The following ALCAM variants were observed in gnomAD, a reference collection of about 807,000 sequenced individuals.
ALCAM encodes CD166 antigen.
In ALCAM, 30 loss-of-function variants were observed where a neutral mutation model predicts 70.9. The ratio of observed to expected loss-of-function variants is 0.42; its 90% CI spans 0.32 to 0.57. The LOEUF is 0.57. Among genes scored for constraint, ALCAM ranks in the 20% least tolerant of loss-of-function variants. The probability of loss-of-function intolerance (pLI) is 0.11; values close to 1 mark genes in which losing one functional copy is unlikely to be tolerated. For missense variants in ALCAM, 591 were observed against 695.1 expected, an observed-to-expected ratio of 0.85 and a Z score of 1.68; for synonymous variants, 249 against 242.5, an observed-to-expected ratio of 1.03 and a Z score of -0.25.
chr3:105,426,025 C>T (rs762634697), intron 1 of ALCAM, among the ~76,000 whole-genome samples: 1 of 151,722 alleles, frequency 6.6e-6, no homozygotes, highest in Non-Finnish European at 1.5e-5. Flanking sequence ...TAGGTCACAG[C>T]AAAACTAAGC....
intron 1 of ALCAM, among the ~76,000 whole-genome samples, chr3:105,447,556 T>A (rs1367267839): frequency 1.3e-5 from 2 of 152,034 alleles, no homozygotes; most frequent in Non-Finnish European, 1.5e-5. Context: ...AAATTAAAAA[T>A]TTAGCCAGGC....
chr3:105,488,500 G>T (rs1938491927), intron 1 of ALCAM, among the ~76,000 whole-genome samples: 1 of 151,878 alleles, frequency 6.6e-6, no homozygotes, highest in African/African-American at 2.4e-5. Flanking sequence ...CTACAAATTT[G>T]GATAAAGACA....
chr3:105,402,938 CTTTTT>C (rs58126212), intron 1 of ALCAM, among the ~76,000 whole-genome samples: 1 of 117,254 alleles, frequency 8.5e-6, no homozygotes, highest in Admixed American at 8.8e-5. Flanking sequence ...AGCTGATGCG[CTTTTT>C]TTTTTTTTTT....
intron 1 of ALCAM, among the ~76,000 whole-genome samples, chr3:105,477,411 TGATA>T (rs1262099481): frequency 6.6e-6 from 1 of 152,136 alleles, no homozygotes; most frequent in Non-Finnish European, 1.5e-5. Context: ...CTAGCTGGAT[TGATA>T]TTTTTCTTTC....
In ALCAM at chr3:105,575,085, A is replaced by C. The variant is rs1025974603; in HGVS notation, c.*634A>C. 1 of 152,612 alleles carries C rather than the reference A, an allele frequency of 6.6e-6. No homozygotes were observed. The highest frequency in any genetic ancestry group is 1.5e-5 in the Non-Finnish European group (1 of 68,026). 9.5% of individuals were successfully genotyped at this position (152,612 alleles called of 1,614,324 possible). ...GATATGCCACCAGCGAACTCTCAGA[A>C]ATAAATCACAGATGCATATAGACAC... On this transcript the variant is annotated 3_prime_UTR_variant, in exon 16 of 16. Coordinates refer to ENST00000306107, the MANE Select transcript of ALCAM (RefSeq NM_001627.4).
chr3:105,409,919 T>C (rs1409651848), intron 1 of ALCAM, among the ~76,000 whole-genome samples: 2 of 152,072 alleles, frequency 1.3e-5, no homozygotes, highest in Non-Finnish European at 2.9e-5. Flanking sequence ...AACATGTGCA[T>C]AGCCTTCTCC....
At chr3:105,427,988 CCTA>C (rs931966771) in intron 1 of ALCAM, among the ~76,000 whole-genome samples, 1 of 151,708 alleles carries the variant, frequency 6.6e-6, no homozygotes, top group African/African-American at 2.4e-5. Flanking sequence ...ATATTTGGCT[CCTA>C]CTCACACAAA....
intron 11 of ALCAM, among the ~76,000 whole-genome samples, chr3:105,548,546 C>G (rs761361484): frequency 6.6e-6 from 1 of 151,406 alleles, no homozygotes; most frequent in East Asian, 1.9e-4. Flanking sequence ...TCCCAGCTTA[C>G]GCCATGCAGT....
intron 1 of ALCAM, among the ~76,000 whole-genome samples, chr3:105,423,360 G>A (rs778967116): frequency 3.3e-5 from 5 of 151,000 alleles, no homozygotes; most frequent in Non-Finnish European, 7.4e-5. Flanking sequence ...TTCTTTTGGC[G>A]CAGAACAAAC....
intron 1 of ALCAM, among the ~76,000 whole-genome samples, chr3:105,398,763 T>G (rs1936013997): frequency 6.6e-6 from 1 of 152,132 alleles, no homozygotes; most frequent in Admixed American, 6.6e-5. Flanking sequence ...AAGAAGCTGG[T>G]AATATTTACC....
intron 14 of ALCAM, among the ~76,000 whole-genome samples, chr3:105,553,709 T>C (rs1266269991): frequency 6.6e-6 from 1 of 151,880 alleles, no homozygotes; most frequent in Non-Finnish European, 1.5e-5. Context: ...ATTGAGCTCA[T>C]GTTCTCACAA....
At chr3:105,463,218 A>G (rs761716555) in intron 1 of ALCAM, among the ~76,000 whole-genome samples, 2 of 151,432 alleles carry the variant, frequency 1.3e-5, no homozygotes, top group African/African-American at 2.4e-5. Context: ...AAATTTCAGT[A>G]ATATTTCACC....
chr3:105,532,713 G>A lies in ALCAM; in HGVS notation c.459+647G>A, dbSNP rs549517495. 2.6e-4 allele frequency among the ~76,000 whole-genome samples: 39 copies of A among 152,260 alleles called. 1 individual carries two copies. The South Asian group carries it at 2.9e-3, about 11-fold the overall frequency. On this transcript the variant is annotated intron_variant, in intron 4 of 15. Coordinates refer to ENST00000306107, the MANE Select transcript of ALCAM (RefSeq NM_001627.4). ...GAAATAATAGGATGTGAAAGAGAAC[G>A]GTGTGTTTGGGAAACAGCAAATTTT...
intron 1 of ALCAM, among the ~76,000 whole-genome samples, chr3:105,383,576 T>A (rs148373089): frequency 8.6e-4 from 130 of 151,750 alleles, no homozygotes; most frequent in Middle Eastern, 3.2e-3. Flanking sequence ...ATTGAGGGAA[T>A]GACAACTCTC....
chr3:105,565,597 TATTA>T (rs1685221120), intron 14 of ALCAM, among the ~76,000 whole-genome samples: 1 of 152,232 alleles, frequency 6.6e-6, no homozygotes, highest in African/African-American at 2.4e-5. Flanking sequence ...TGTAGGGTTT[TATTA>T]ATTCATTTTT....
chr3:105,522,535 T>C (rs554083181), intron 2 of ALCAM, among the ~76,000 whole-genome samples: 28 of 152,296 alleles, frequency 1.8e-4, no homozygotes, highest in Admixed American at 5.2e-4. Context: ...GATCATATTG[T>C]AAACTCCCTG....
chr3:105,426,392 C>A (rs907711731), intron 1 of ALCAM, among the ~76,000 whole-genome samples: 2 of 151,528 alleles, frequency 1.3e-5, no homozygotes, highest in African/African-American at 4.8e-5. Context: ...TGGTATGTAC[C>A]ATATTTATGG....
At chr3:105,453,793 T>C (rs1937490568) in intron 1 of ALCAM, among the ~76,000 whole-genome samples, 2 of 152,164 alleles carry the variant, frequency 1.3e-5, no homozygotes, top group Admixed American at 1.3e-4. Context: ...TCACATCCCA[T>C]GTTAGCTGTA....
intron 6 of ALCAM, among the ~76,000 whole-genome samples, chr3:105,538,442 G>A (rs772330107): frequency 5.9e-5 from 9 of 152,142 alleles, no homozygotes; most frequent in Admixed American, 1.3e-4. Context: ...AGGTAAACAC[G>A]TTAGTGGACA....
Sources: allele counts gnomAD v4.1 joint callset (sites outside exome capture counted in the v4.1 genomes callset), GRCh38; gene constraint gnomAD v4.1.1; transcripts MANE v1.5; gene names NCBI Gene and HGNC (gene_info 2026-07-23, HGNC 2026-07-21).